The following SOX6 variants were observed in gnomAD, a reference collection of about 807,000 sequenced individuals.
The protein encoded by SOX6 is transcription factor SOX-6.
SOX6 carries 11 observed loss-of-function variants against 97.8 expected under a neutral mutation model. The observed-to-expected ratio is 0.11, with a 90% confidence interval of 0.07 to 0.19. SOX6 has a LOEUF of 0.19. SOX6 is among the 10% of genes least tolerant of loss of function. The pLI is 1.00. For synonymous variants in SOX6, 360 were observed against 371.4 expected, an observed-to-expected ratio of 0.97 and a Z score of 0.35; for missense variants, 810 against 1,039.5, an observed-to-expected ratio of 0.78 and a Z score of 3.04.
intron 13 of SOX6, among the ~76,000 whole-genome samples, chr11:16,008,685 C>A (rs990164074): frequency 1.3e-5 from 2 of 152,046 alleles, no homozygotes; most frequent in Non-Finnish European, 2.9e-5. Context: ...TATTTCGGAG[C>A]TTTTAAGACA....
At chr11:16,609,137 C>G (rs1302214917) in intron 4 of SOX6, among the ~76,000 whole-genome samples, 1 of 152,192 alleles carries the variant, frequency 6.6e-6, no homozygotes, top group African/African-American at 2.4e-5. Flanking sequence ...AGGGAATAAT[C>G]ATGGTCTCAG....
chr11:16,105,746 T>C (rs1383013850), intron 7 of SOX6, among the ~76,000 whole-genome samples: 1 of 152,038 alleles, frequency 6.6e-6, no homozygotes, highest in African/African-American at 2.4e-5. Context: ...ATGTATCAAA[T>C]TGGTAAGGGA....
chr11:16,591,455 G>A (rs1232924535), intron 4 of SOX6, among the ~76,000 whole-genome samples: 3 of 152,054 alleles, frequency 2.0e-5, no homozygotes, highest in Non-Finnish European at 4.4e-5. Context: ...AGGCAAAGGT[G>A]ATATTTTATC....
At chr11:16,554,575 C>A (rs1320814271) in intron 4 of SOX6, among the ~76,000 whole-genome samples, 1 of 152,038 alleles carries the variant, frequency 6.6e-6, no homozygotes, top group Non-Finnish European at 1.5e-5. Context: ...AGTGTTTCGT[C>A]CAAGTCTCTG....
At position 16,617,943 on chromosome 11, in the gene SOX6, G is replaced by A. The variant is rs953743903; in HGVS notation, n.430-5683C>T. ...ATGGATGCTCTTTCTGTTCTTGAGA[G>A]ATAGGTGCATTTGCTTTTACATTAT... On this transcript the variant is annotated intron_variant and non_coding_transcript_variant, in intron 3 of 5. Coordinates refer to the SOX6 transcript ENST00000524520. Among the ~76,000 whole-genome samples, 10 of 151,916 alleles carry A rather than the reference G, an allele frequency of 6.6e-5. 1 individual carries two copies. Among genetic ancestry groups the A allele is most frequent in the Middle Eastern group, 3.4e-3 (1 of 294 alleles).
intron 7 of SOX6, among the ~76,000 whole-genome samples, chr11:16,105,000 C>CA (rs377760451): frequency 1.6e-3 from 228 of 144,314 alleles, no homozygotes; most frequent in Admixed American, 3.0e-3. Context: ...CAAACTCTTA[C>CA]AAAAAAAAAA....
At chr11:16,099,184 C>A (rs1848875960) in intron 7 of SOX6, among the ~76,000 whole-genome samples, 1 of 151,700 alleles carries the variant, frequency 6.6e-6, no homozygotes, top group African/African-American at 2.4e-5. Flanking sequence ...TTCAAAATAT[C>A]TGATCTTGTT....
chr11:16,367,260 T>C (rs538974839), intron 1 of SOX6, among the ~76,000 whole-genome samples: 1 of 152,298 alleles, frequency 6.6e-6, no homozygotes, highest in East Asian at 1.9e-4. Context: ...GAATTATCAC[T>C]TTCAGGCTTA....
intron 6 of SOX6, among the ~76,000 whole-genome samples, chr11:16,145,412 C>G (rs1379803139): frequency 1.3e-5 from 2 of 152,142 alleles, no homozygotes; most frequent in Non-Finnish European, 1.5e-5. Flanking sequence ...TGGGCAAAAA[C>G]TGGAAGCATT....
At chr11:16,698,768 G>A (rs1405981833) in intron 3 of SOX6, among the ~76,000 whole-genome samples, 2 of 152,182 alleles carry the variant, frequency 1.3e-5, no homozygotes, top group African/African-American at 4.8e-5. Flanking sequence ...GAGGGAGAGA[G>A]ACAGGCAAAT....
intron 10 of SOX6, among the ~76,000 whole-genome samples, chr11:16,054,973 G>A (rs557745973): frequency 3.3e-5 from 5 of 152,252 alleles, no homozygotes; most frequent in East Asian, 1.9e-4. Flanking sequence ...GAAAATTAGT[G>A]AGAGAAGACA....
chr11:16,021,301 T>C lies in SOX6; in HGVS notation c.1624-6251A>G, dbSNP rs529866081. Among the ~76,000 whole-genome samples, 213 of 152,316 alleles carry C rather than the reference T, an allele frequency of 1.4e-3. 1 individual carries two copies. Among genetic ancestry groups the C allele is most frequent in the African/African-American group, 4.8e-3 (199 of 41,580 alleles). On this transcript the variant is annotated intron_variant, in intron 12 of 15. Transcript: ENST00000683767. ...CTAAGAGATATTCTGTCTCTTACTC[T>C]GAATGACTTTCTTTAATTCCTTGTT...
At chr11:16,426,084 G>A (rs1298314601) in intron 1 of SOX6, among the ~76,000 whole-genome samples, 1 of 150,978 alleles carries the variant, frequency 6.6e-6, no homozygotes, top group African/African-American at 2.4e-5. Context: ...GTGAAACCCC[G>A]TCTCTACTAA....
intron 1 of SOX6, among the ~76,000 whole-genome samples, chr11:16,425,342 A>G (rs1859102837): frequency 2.0e-5 from 3 of 152,192 alleles, no homozygotes; most frequent in Non-Finnish European, 2.9e-5. Context: ...TATTTAGTGA[A>G]CATCTAACAT....
At chr11:16,164,683 GGTA>G (rs1410519594) in intron 6 of SOX6, among the ~76,000 whole-genome samples, 1 of 151,900 alleles carries the variant, frequency 6.6e-6, no homozygotes, top group Non-Finnish European at 1.5e-5. Flanking sequence ...ATTAGCCAGG[GGTA>G]GTGGTGTGCA....
At chr11:16,459,591 G>T (rs1314541374) in intron 1 of SOX6, among the ~76,000 whole-genome samples, 1 of 151,886 alleles carries the variant, frequency 6.6e-6, no homozygotes, top group East Asian at 1.9e-4. Context: ...GGAGCTAAAA[G>T]AAAGACTTAA....
intron 4 of SOX6, among the ~76,000 whole-genome samples, chr11:16,588,160 T>C (rs1360487911): frequency 2.0e-5 from 3 of 152,218 alleles, no homozygotes; most frequent in Non-Finnish European, 4.4e-5. Context: ...CTAGCATTTG[T>C]CACTTTAGAA....
intron 12 of SOX6, among the ~76,000 whole-genome samples, chr11:16,039,213 G>A (rs1296775478): frequency 6.6e-6 from 1 of 151,820 alleles, no homozygotes; most frequent in Non-Finnish European, 1.5e-5. Flanking sequence ...TTGTTTTACT[G>A]CACGTATCAC....
intron 4 of SOX6, among the ~76,000 whole-genome samples, chr11:16,586,467 A>G (rs1360329953): frequency 6.6e-6 from 1 of 152,250 alleles, no homozygotes; most frequent in East Asian, 1.9e-4. Context: ...CTTAGGCAAC[A>G]CAGTACTCTC....
Sources: gnomAD v4.1 joint callset for allele counts (sites outside exome capture counted in the v4.1 genomes callset) on GRCh38, gnomAD v4.1.1 for gene constraint, MANE v1.5 for transcripts, NCBI Gene and HGNC (gene_info 2026-07-23, HGNC 2026-07-21) for gene names.